The following AJAP1 variants were observed in gnomAD, a reference collection of about 807,000 sequenced individuals.
AJAP1 encodes the protein adherens junctions associated protein 1.
In AJAP1, 5 loss-of-function variants were observed where a neutral mutation model predicts 35.0. That is an observed-to-expected ratio of 0.14 (90% CI 0.07 to 0.30). The LOEUF (loss-of-function observed/expected upper bound fraction) is 0.30. Ranked by LOEUF, AJAP1 falls within the 10% of genes least tolerant of loss-of-function variation. The pLI, the probability that AJAP1 is intolerant of heterozygous loss-of-function variation, is 1.00. For missense variants in AJAP1, 586 were observed against 571.0 expected (o/e 1.03, Z -0.27); for synonymous variants, 284 against 249.3 (o/e 1.14, Z -1.31).
chr1:4,769,665 T>G (rs1160526068), intron 2 of AJAP1, among the ~76,000 whole-genome samples, 188 bp from the exon 3 acceptor site: 3 of 152,070 alleles, frequency 2.0e-5, no homozygotes, highest in Non-Finnish European at 4.4e-5. Flanking sequence ...GAGAGCAGCC[T>G]CATGCCCGGG....
At chr1:4,744,077 A>C (rs962658901) in intron 2 of AJAP1, among the ~76,000 whole-genome samples, 28 of 152,306 alleles carry the variant, frequency 1.8e-4, no homozygotes, top group African/African-American at 6.5e-4. Context: ...CGTGACCTCC[A>C]GGGACGTCTG....
At chr1:4,747,168 CT>C (rs1331274489) in intron 2 of AJAP1, among the ~76,000 whole-genome samples, 1 of 152,176 alleles carries the variant, frequency 6.6e-6, no homozygotes, top group African/African-American at 2.4e-5. Flanking sequence ...TCTGAGAGGT[CT>C]GTCCTTGCGG....
intron 2 of AJAP1, among the ~76,000 whole-genome samples, chr1:4,733,551 G>T (rs181444485): frequency 1.2e-4 from 18 of 151,350 alleles, no homozygotes; most frequent in South Asian, 2.1e-4. Flanking sequence ...ATGCAGTCCA[G>T]TGGGGAGCAA....
At chr1:4,675,558 C>G (rs1639344741) in intron 1 of AJAP1, among the ~76,000 whole-genome samples, 1 of 152,206 alleles carries the variant, frequency 6.6e-6, no homozygotes, top group South Asian at 2.1e-4. Flanking sequence ...TGTCCTGCCC[C>G]TTGGGAAATG....
Position 4,783,810 on chromosome 1 carries a change from T to G in AJAP1, c.*1325T>G, listed in dbSNP as rs1024669674. The G allele has an allele frequency of 6.6e-6, 1 of 152,092 alleles. No individual in the cohort carries two copies. 9.4% of individuals were successfully genotyped at this position (152,092 alleles called of 1,614,324 possible). On this transcript the variant is annotated 3_prime_UTR_variant, in exon 6 of 6. Coordinates refer to ENST00000378191, the MANE Select transcript of AJAP1 (RefSeq NM_018836.4). ...ATCCTTATGATGTGTGTGTGTAATA[T>G]CAGGGCAGAACTTAGACATACGTGA...
At position 4,712,174 on chromosome 1, in the gene AJAP1, C is replaced by A; in HGVS notation, c.304C>A (p.His102Asn). 1 of 1,565,614 alleles carries A rather than the reference C, an allele frequency of 6.4e-7. No individual in the cohort carries two copies. Among genetic ancestry groups the A allele is most frequent in the East Asian group, 2.3e-5 (1 of 42,920 alleles). ...QMQMPRARRA[H>N]RPRDQAAALV... ...GCAGATGCCTCGAGCCAGACGGGCC[C>A]ACAGGCCCCGGGACCAGGCGGCCGC... is the stretch of plus-strand genomic sequence containing the variant. The change falls in exon 2 of 6, where the codon CAC (histidine) becomes AAC (asparagine). Residue 102 changes from histidine (H) to asparagine (N), a missense_variant. Coordinates refer to ENST00000378191, the MANE Select transcript of AJAP1 (RefSeq NM_018836.4).
intron 2 of AJAP1, among the ~76,000 whole-genome samples, chr1:4,715,196 A>G (rs1640361581): frequency 6.6e-6 from 1 of 152,204 alleles, no homozygotes; most frequent in Admixed American, 6.5e-5. Context: ...CACACTTCTC[A>G]GACATCTAAG....
intron 1 of AJAP1, among the ~76,000 whole-genome samples, chr1:4,694,934 G>A (rs1639824136): frequency 6.6e-6 from 1 of 152,218 alleles, no homozygotes; most frequent in Non-Finnish European, 1.5e-5. Flanking sequence ...GGGGAGCCAG[G>A]ATGGAAGCTG....
At position 4,656,380 on chromosome 1, in the gene AJAP1, T is replaced by C. The variant is rs1638882754; in HGVS notation, c.29+926T>C. On this transcript the variant is annotated intron_variant, in intron 1 of 5. Coordinates refer to ENST00000378191, the MANE Select transcript of AJAP1 (RefSeq NM_018836.4). This position sits in a 1 kb window ranked among gnomAD's most constrained non-coding sequence, Gnocchi z 5.7. ...CCTGCCGGGGCATTCACCGAGCTCG[T>C]GCATTTGGGTCCCGGGTTGGAACCG... 6.6e-6 allele frequency among the ~76,000 whole-genome samples: 1 copy of C among 152,076 alleles called. No homozygotes were observed. The highest frequency in any genetic ancestry group is 1.5e-5 in the Non-Finnish European group (1 of 68,012).
Position 4,788,371 on chromosome 1 carries a change from C to T in AJAP1, c.*5886C>T, listed in dbSNP as rs1053959689. 2.0e-5 allele frequency: 3 copies of T among 152,288 alleles called. No individual in the cohort carries two copies. The highest frequency in any genetic ancestry group is 7.2e-5 in the African/African-American group (3 of 41,422). 9.4% of individuals were successfully genotyped at this position (152,288 alleles called of 1,614,324 possible). A position where few individuals can be genotyped will look rare whatever the true frequency, so the allele number is the denominator to read the frequency against. ...AGAACTGCTATCTTTTAAACCACCC[C>T]AGCCCTCAGTCGAACAGAAAGAATG... is the stretch of plus-strand genomic sequence containing the variant. On this transcript the variant is annotated 3_prime_UTR_variant, in exon 6 of 6. Coordinates refer to ENST00000378191, the MANE Select transcript of AJAP1 (RefSeq NM_018836.4).
intron 1 of AJAP1, among the ~76,000 whole-genome samples, chr1:4,661,426 C>T (rs1557597858): frequency 6.6e-6 from 1 of 152,204 alleles, no homozygotes; most frequent in South Asian, 2.1e-4. Context: ...ATTATTGCTC[C>T]CATTTCACAC....
chr1:4,765,311 A>G (rs1253020173), intron 2 of AJAP1, among the ~76,000 whole-genome samples: 3 of 152,164 alleles, frequency 2.0e-5, no homozygotes, highest in Non-Finnish European at 4.4e-5. Context: ...CCTTTAGGTG[A>G]CATCATTGTC....
intron 1 of AJAP1, among the ~76,000 whole-genome samples, chr1:4,701,235 C>T (rs1054553220): frequency 1.3e-5 from 2 of 152,244 alleles, no homozygotes; most frequent in Non-Finnish European, 2.9e-5. Flanking sequence ...TGAGCAGTCA[C>T]AAAGAACCAG....
intron 1 of AJAP1, among the ~76,000 whole-genome samples, chr1:4,691,513 G>T (rs969631124): frequency 6.6e-6 from 1 of 152,230 alleles, no homozygotes; most frequent in Non-Finnish European, 1.5e-5. Flanking sequence ...GCTAGGCCCG[G>T]GAGTGGCTCC....
intron 1 of AJAP1, among the ~76,000 whole-genome samples, chr1:4,699,816 G>A (rs1422240162): frequency 6.6e-6 from 1 of 152,210 alleles, no homozygotes; most frequent in African/African-American, 2.4e-5. Context: ...TCTTCTGCAA[G>A]AGGAGAGTCA....
At position 4,711,994 on chromosome 1, in the gene AJAP1, G is replaced by A. The variant is rs779291510; in HGVS notation, c.124G>A (p.Glu42Lys). The A allele has an allele frequency of 6.3e-7, 1 of 1,593,154 alleles. No homozygotes were observed. The highest frequency in any genetic ancestry group is 2.4e-5 in the East Asian group (1 of 42,322). ...FQLAVDLPAC[E>K]ALGPGPEFWL... The stretch of plus-strand genomic sequence containing the variant: ...GCTCGCCGTGGACCTGCCCGCCTGT[G>A]AGGCCCTGGGCCCGGGGCCGGAGTT... The change falls in exon 2 of 6, where the codon GAG becomes AAG. Residue 42 changes from glutamate to lysine, a missense_variant. Glu to Lys is a moderately conservative substitution (Grantham distance 56). Transcript: ENST00000378191.
intron 1 of AJAP1, among the ~76,000 whole-genome samples, chr1:4,679,572 T>C (rs1490837964): frequency 6.6e-6 from 1 of 152,130 alleles, no homozygotes; most frequent in African/African-American, 2.4e-5. Context: ...ATGTCCAAAA[T>C]CAAGGTGTTG....
chr1:4,672,745 G>A (rs771907247), intron 1 of AJAP1, among the ~76,000 whole-genome samples: 4 of 152,216 alleles, frequency 2.6e-5, no homozygotes, highest in Non-Finnish European at 5.9e-5. Flanking sequence ...TGAGCAGGAT[G>A]TGAAACCACA....
rs535783374 is a variant in AJAP1 at position 4,780,907 on chromosome 1, C to T, written c.*60-1638C>T. On this transcript the variant is annotated intron_variant, in intron 5 of 5. Coordinates refer to ENST00000378191, the MANE Select transcript of AJAP1 (RefSeq NM_018836.4). ...AGCTGGTCTTCCCACAGTAGCTGAGCGGACACTCCACTGTAGCCTCATGGA... is the reference window on the plus strand; with the variant it reads ...AGCTGGTCTTCCCACAGTAGCTGAGTGGACACTCCACTGTAGCCTCATGGA... 3.7e-4 allele frequency among the ~76,000 whole-genome samples: 57 copies of T among 152,232 alleles called. 2 individuals are homozygous for T. The South Asian group carries it at 0.011, about 30-fold the overall frequency.
Sources: allele counts gnomAD v4.1 joint callset (sites outside exome capture counted in the v4.1 genomes callset), GRCh38; gene constraint gnomAD v4.1.1; non-coding constraint Gnocchi (gnomAD v3.1); transcripts MANE v1.5; gene names NCBI Gene and HGNC (gene_info 2026-07-23, HGNC 2026-07-21).